SLC22A23: variants seen among roughly 807,000 people sequenced by gnomAD.
The protein encoded by SLC22A23 is solute carrier family 22 member 23, also known as ion transporter protein.
In SLC22A23, 26 loss-of-function variants were observed where a neutral mutation model predicts 61.0. The observed-to-expected ratio is 0.43, with a 90% CI of 0.31 to 0.59. The LOEUF (loss-of-function observed/expected upper bound fraction) is 0.59, where lower values mean the gene tolerates loss of function less well. SLC22A23 is among the 20% of genes least tolerant of loss of function. SLC22A23 has a pLI of 0.11. For missense variants in SLC22A23, 796 were observed against 934.7 expected, an observed-to-expected ratio of 0.85 and a Z score of 1.94; for synonymous variants, 430 against 413.9, an observed-to-expected ratio of 1.04 and a Z score of -0.47.
chr6:3,446,687 C>T (rs1006288751), intron 1 of SLC22A23, among the ~76,000 whole-genome samples: 2 of 152,218 alleles, frequency 1.3e-5, no homozygotes, highest in Non-Finnish European at 2.9e-5. Flanking sequence ...CCAAACAGGC[C>T]CAGTTTCCTC....
chr6:3,339,342 C>T (rs1403358820), intron 3 of SLC22A23, among the ~76,000 whole-genome samples: 2 of 152,094 alleles, frequency 1.3e-5, no homozygotes, highest in South Asian at 4.1e-4. Flanking sequence ...TTTTTGTTTT[C>T]TGTTCATTCC....
chr6:3,431,346 A>G (rs1228379291), intron 1 of SLC22A23, among the ~76,000 whole-genome samples: 3 of 152,258 alleles, frequency 2.0e-5, no homozygotes, highest in African/African-American at 7.2e-5. Flanking sequence ...TGTTAGAAAT[A>G]TCCTGATCAA....
intron 3 of SLC22A23, among the ~76,000 whole-genome samples, chr6:3,381,920 T>C (rs1457699607): frequency 2.0e-5 from 3 of 152,130 alleles, no homozygotes; most frequent in African/African-American, 4.8e-5. Context: ...GAGAAGACTA[T>C]GAGTGACCCA....
chr6:3,319,534 G>C (rs974266640), intron 4 of SLC22A23, among the ~76,000 whole-genome samples: 1 of 152,182 alleles, frequency 6.6e-6, no homozygotes, highest in African/African-American at 2.4e-5. Context: ...TCGGGAGCTT[G>C]CTCTGGAGAT....
At chr6:3,436,530 T>C (rs1045946662) in intron 1 of SLC22A23, among the ~76,000 whole-genome samples, 6 of 152,204 alleles carry the variant, frequency 3.9e-5, no homozygotes, top group African/African-American at 1.2e-4. Context: ...CTTCGCAGTC[T>C]TGTGCCATTC....
At chr6:3,346,251 G>A (rs1764430527) in intron 3 of SLC22A23, among the ~76,000 whole-genome samples, 1 of 152,122 alleles carries the variant, frequency 6.6e-6, no homozygotes, top group African/African-American at 2.4e-5. Context: ...CTGCTGACCT[G>A]CTCACACGTT....
chr6:3,413,071 C>T (rs986047000), intron 2 of SLC22A23, among the ~76,000 whole-genome samples: 6 of 152,116 alleles, frequency 3.9e-5, no homozygotes, highest in Non-Finnish European at 7.4e-5. Flanking sequence ...CATAGAGAAC[C>T]GACACAGGGT....
chr6:3,301,527 T>C (rs536861166), intron 4 of SLC22A23, among the ~76,000 whole-genome samples: 1 of 152,310 alleles, frequency 6.6e-6, no homozygotes, highest in East Asian at 1.9e-4. Context: ...ATAATTAAAA[T>C]TTATTTATAT....
Position 3,285,046 on chromosome 6 carries a change from C to T in SLC22A23, c.1579+33G>A, listed in dbSNP as rs144090169. 1,128 of 1,610,422 alleles carry T rather than the reference C, an allele frequency of 7.0e-4. 18 individuals are homozygous for T. In the East Asian group the frequency reaches 0.017, roughly 24 times the overall value. Reference sequence around the variant, plus strand: ...ACACCCATTTAGATGTAATATGAGACGAGGAAGCACAGCCCACGCGCTTGG... The same window carrying T: ...ACACCCATTTAGATGTAATATGAGATGAGGAAGCACAGCCCACGCGCTTGG... On this transcript the variant is annotated intron_variant, in intron 8 of 9. Transcript: ENST00000406686.
chr6:3,451,385 T>G (rs1359905599), intron 1 of SLC22A23, among the ~76,000 whole-genome samples: 2 of 152,144 alleles, frequency 1.3e-5, no homozygotes, highest in Non-Finnish European at 2.9e-5. Flanking sequence ...TTAGTAGAGA[T>G]GAGGGCTCAC....
intron 3 of SLC22A23, among the ~76,000 whole-genome samples, chr6:3,408,520 C>A (rs1768979469): frequency 6.6e-6 from 1 of 152,206 alleles, no homozygotes; most frequent in African/African-American, 2.4e-5. Flanking sequence ...TAGCCCTTCC[C>A]TACCCTCCTT....
chr6:3,357,909 A>C (rs530417300), intron 3 of SLC22A23, among the ~76,000 whole-genome samples: 1 of 152,306 alleles, frequency 6.6e-6, no homozygotes, highest in African/African-American at 2.4e-5. Context: ...TTCACCAAAG[A>C]AGCAGCATTT....
rs1274551737 is a variant in SLC22A23, at chr6:3,324,100, C to T, written c.914-98G>A. On this transcript the variant is annotated intron_variant, in intron 3 of 9. Transcript: ENST00000406686. This position sits in a 1 kb window ranked among gnomAD's most constrained non-coding sequence, Gnocchi z 4.3. ...GCCAGTGCACTGCTTAACCCACCAA[C>T]GACTGAAATTGTTTTCATCTGCTGC... is the stretch of plus-strand genomic sequence containing the variant. 12 of 1,441,072 alleles carry T rather than the reference C, an allele frequency of 8.3e-6. No homozygotes were observed. The highest frequency in any genetic ancestry group is 2.6e-5 in the South Asian group (2 of 76,640). 89.3% of individuals were successfully genotyped at this position (1,441,072 alleles called of 1,614,324 possible). A position where few individuals can be genotyped will look rare whatever the true frequency, so the allele number is the denominator to read the frequency against.
At chr6:3,383,830 G>A (rs60143591) in intron 3 of SLC22A23, among the ~76,000 whole-genome samples, 2,947 of 152,334 alleles carry the variant, frequency 0.019, 127 homozygotes, top group East Asian at 0.15. Flanking sequence ...CCTACTATGC[G>A]CCTGACCAGC....
At chr6:3,311,244 GA>G (rs1302481017) in intron 4 of SLC22A23, among the ~76,000 whole-genome samples, 3 of 152,198 alleles carry the variant, frequency 2.0e-5, no homozygotes, top group Non-Finnish European at 1.5e-5. Flanking sequence ...GGAGGGAGGA[GA>G]ATCTCAAAAG....
At chr6:3,299,502 CTT>C (rs1439737450) in intron 4 of SLC22A23, among the ~76,000 whole-genome samples, 41 of 152,174 alleles carry the variant, frequency 2.7e-4, no homozygotes, top group Admixed American at 2.7e-3. Context: ...GCGACAGAAT[CTT>C]TTTCTTTTTT....
intron 1 of SLC22A23, among the ~76,000 whole-genome samples, chr6:3,435,446 G>C (rs545543663): frequency 3.8e-4 from 58 of 151,704 alleles, no homozygotes; most frequent in African/African-American, 1.4e-3. Flanking sequence ...CCTGTTCCCA[G>C]CTACCTCTCC....
At chr6:3,380,416 A>G (rs1766882046) in intron 3 of SLC22A23, among the ~76,000 whole-genome samples, 1 of 152,270 alleles carries the variant, frequency 6.6e-6, no homozygotes. Context: ...GCATCAGCTA[A>G]TAGTATTTCC....
At chr6:3,334,402 T>C (rs1763738457) in intron 3 of SLC22A23, among the ~76,000 whole-genome samples, 1 of 152,086 alleles carries the variant, frequency 6.6e-6, no homozygotes, top group Admixed American at 6.6e-5. Flanking sequence ...CTCAGGCGAT[T>C]CACCCGCCTC....
Sources: gnomAD v4.1 joint callset for allele counts (sites outside exome capture counted in the v4.1 genomes callset) on GRCh38, gnomAD v4.1.1 for gene constraint, Gnocchi (gnomAD v3.1) non-coding constraint, MANE v1.5 for transcripts, NCBI Gene and HGNC (gene_info 2026-07-23, HGNC 2026-07-21) for gene names.